Variants in UBR7 observed in about 807,000 individuals in gnomAD.
The protein encoded by UBR7 is ubiquitin protein ligase E3 component n-recognin 7, also known as putative E3 ubiquitin-protein ligase UBR7.
In UBR7, 22 loss-of-function variants were observed where a neutral mutation model predicts 57.0. The observed-to-expected ratio is 0.39, with a 90% confidence interval of 0.28 to 0.55. UBR7 has a LOEUF of 0.55. UBR7 is among the 20% of genes least tolerant of loss of function. The pLI, the probability that UBR7 is intolerant of heterozygous loss-of-function variation, is 0.69. For synonymous variants in UBR7, 167 were observed against 179.8 expected (o/e 0.93, Z 0.57); for missense variants, 395 against 513.2 (o/e 0.77, Z 2.23).
chr14:93,217,477 A>ACACC lies in UBR7; in HGVS notation c.602-1047_602-1044dup, dbSNP rs570249490. On this transcript the variant is annotated intron_variant, in intron 6 of 10. Transcript: ENST00000013070. ...TCTGTCTCAGAGTATATCTGCCACT[A>ACACC]CACCCATCATTTTTTTTATTTCTTC... Among the ~76,000 whole-genome samples, 320 of 152,162 alleles carry ACACC rather than the reference A, an allele frequency of 2.1e-3. 8 individuals carry two copies. The highest frequency in any genetic ancestry group is 0.019 in the East Asian group (98 of 5,172).
intron 10 of UBR7, chr14:93,223,845 G>A (rs937537887): frequency 1.1e-5 from 8 of 749,144 alleles, no homozygotes; most frequent in African/African-American, 3.4e-5. Flanking sequence ...GTCAGGTCCC[G>A]GTATTCCCGG....
intron 10 of UBR7, among the ~76,000 whole-genome samples, chr14:93,222,975 A>G (rs576409084): frequency 3.9e-5 from 6 of 152,308 alleles, no homozygotes; most frequent in African/African-American, 1.4e-4. Flanking sequence ...AGGAATCCGC[A>G]GTACTGATTC....
At chr14:93,219,173 A>C in intron 7 of UBR7, 39 bp from the exon 8 acceptor site, 3 of 1,605,464 alleles carry the variant, frequency 1.9e-6, no homozygotes, top group Non-Finnish European at 2.6e-6. Flanking sequence ...AAACTATGGT[A>C]GTTTAAAAAA....
chr14:93,215,254 T>A lies in UBR7; in HGVS notation c.574T>A (p.Leu192Met), dbSNP rs1016007578. The part of the protein sequence containing the change: ...CQACMKRCSF[L>M]WAYAAQLAVT... The stretch of plus-strand genomic sequence containing the variant: ...GGCCTGCATGAAACGTTGTTCTTTT[T>A]TGTGGGCTTATGCTGCACAATTGGC... The change falls in exon 6 of 11, where the codon TTG becomes ATG. Residue 192 changes from leucine (L) to methionine (M), a missense_variant. Transcript: ENST00000013070. The A allele has an allele frequency of 1.3e-6, 2 of 1,585,048 alleles. No individual in the cohort carries two copies. Among genetic ancestry groups the A allele is most frequent in the Admixed American group, 1.8e-5 (1 of 55,160 alleles).
chr14:93,212,324 A>G lies in UBR7; in HGVS notation c.441+197A>G, dbSNP rs181706846. ...CAACCATTCTTTTCATTTTTACATCATAAGAATGAAATATTGGAGAGGACT... is the reference window on the plus strand; with the variant it reads ...CAACCATTCTTTTCATTTTTACATCGTAAGAATGAAATATTGGAGAGGACT... On this transcript the variant is annotated intron_variant, in intron 4 of 10. Coordinates refer to ENST00000013070, the MANE Select transcript of UBR7 (RefSeq NM_175748.4). Among the ~76,000 whole-genome samples the G allele has an allele frequency of 8.9e-4, 135 of 152,294 alleles. No homozygotes were observed. The highest frequency in any genetic ancestry group is 3.4e-3 in the Middle Eastern group (1 of 294).
In UBR7 at chr14:93,210,067, AAATTAATT is replaced by A. The variant is rs371496259; in HGVS notation, c.284+119_284+126del. ...CATGCAAAGCAGTTGAACACTAATG[AAATTAATT>A]AATTAATTTATTTATTTATTTATTT... On this transcript the variant is annotated intron_variant, in intron 2 of 10. Transcript: ENST00000013070. 3.2e-6 allele frequency: 2 copies of A among 634,414 alleles called. 1 individual carries two copies. Among genetic ancestry groups the A allele is most frequent in the African/African-American group, 5.2e-5 (2 of 38,278 alleles). The allele number at this position is 634,414 out of a possible 1,614,324, so 39.3% of individuals were successfully genotyped here. A position where few individuals can be genotyped will look rare whatever the true frequency, so the allele number is the denominator to read the frequency against.
At chr14:93,219,050 G>A (rs546136026) in intron 7 of UBR7, among the ~76,000 whole-genome samples, 162 bp from the exon 8 acceptor site, 7 of 147,926 alleles carry the variant, frequency 4.7e-5, no homozygotes, top group South Asian at 4.2e-4. Context: ...ATGAGATTCC[G>A]TCTCAAAAAA....
At position 93,227,386 on chromosome 14, in the gene UBR7, G is replaced by A. The variant is rs1419193919; in HGVS notation, c.*351G>A. ...TTTCACTCCCAGATGTGTGTGTTTT[G>A]CCACAGAGCTGTTGCCTTCCAGAAC... On this transcript the variant is annotated 3_prime_UTR_variant, in exon 11 of 11. Coordinates refer to ENST00000013070, the MANE Select transcript of UBR7 (RefSeq NM_175748.4). 3.1e-6 allele frequency: 2 copies of A among 645,410 alleles called. No individual in the cohort carries two copies. The highest frequency in any genetic ancestry group is 2.1e-5 in the Admixed American group (1 of 48,320). 40.0% of individuals were successfully genotyped at this position (645,410 alleles called of 1,614,324 possible). A position where few individuals can be genotyped will look rare whatever the true frequency, so the allele number is the denominator to read the frequency against.
rs963473822 is a variant in UBR7 at position 93,211,624 on chromosome 14, G to C, written c.346-408G>C. Among the ~76,000 whole-genome samples the C allele has an allele frequency of 3.9e-5, 6 of 152,176 alleles. No homozygotes were observed. In the East Asian group the frequency reaches 9.6e-4, roughly 24 times the overall value. On this transcript the variant is annotated intron_variant, in intron 3 of 10. Transcript: ENST00000013070. ...TACCTGTAATCCCAACACTTTGGGA[G>C]GCCTAGGTGGGAGAATGGCTTGAAC... is the stretch of plus-strand genomic sequence containing the variant.
At chr14:93,220,218 CTTTCT>C (rs769876401) in intron 8 of UBR7, 26 bp from the exon 9 acceptor site, 13 of 1,439,714 alleles carry the variant, frequency 9.0e-6, no homozygotes, top group African/African-American at 7.6e-5. Flanking sequence ...GGAAACTCCT[CTTTCT>C]TTTTTTTTTT....
Position 93,211,819 on chromosome 14 carries a change from C to CA in UBR7, c.346-204dup, listed in dbSNP as rs199720634. 3.9e-3 allele frequency among the ~76,000 whole-genome samples: 562 copies of CA among 144,806 alleles called. 6 individuals carry two copies. Among genetic ancestry groups the CA allele is most frequent in the South Asian group, 0.016 (72 of 4,582 alleles). 95.0% of individuals were successfully genotyped at this position (144,806 alleles called of 152,430 possible). A position where few individuals can be genotyped will look rare whatever the true frequency, so the allele number is the denominator to read the frequency against. ...TGTATTTAATTTCTCCTAATTACCA[C>CA]AAAAAAAAACAAAAAAAAATTATTT... On this transcript the variant is annotated intron_variant, in intron 3 of 10. Coordinates refer to ENST00000013070, the MANE Select transcript of UBR7 (RefSeq NM_175748.4).
rs1162019972 is a variant in UBR7 at position 93,218,619 on chromosome 14, C to G, written c.694C>G (p.Gln232Glu). 1.2e-6 allele frequency: 2 copies of G among 1,613,972 alleles called. No individual in the cohort carries two copies. Among genetic ancestry groups the G allele is most frequent in the East Asian group, 4.5e-5 (2 of 44,878 alleles). ...EVIKPENGEH[Q>E]DSTLKEDVPE... is the part of the protein sequence containing the mutation. The stretch of plus-strand genomic sequence containing the variant: ...TATCAAACCTGAAAATGGAGAGCAT[C>G]AAGATAGTACCCTCAAAGAGGATGT... The change falls in exon 7 of 11, where the codon CAA becomes GAA. Residue 232 changes from glutamine (Q) to glutamate (E), a missense_variant. Transcript: ENST00000013070.
chr14:93,209,961 A>G lies in UBR7; in HGVS notation c.284+4A>G. ...TATTTGAGCTATACACAAAAAGGTA[A>G]ACATAGTCAAGAGATTGTTACTAAA... On this transcript the variant is annotated splice_donor_region_variant and intron_variant, in intron 2 of 10. Coordinates refer to ENST00000013070, the MANE Select transcript of UBR7 (RefSeq NM_175748.4). 6.2e-7 allele frequency: 1 copy of G among 1,613,894 alleles called. No homozygotes were observed. Among genetic ancestry groups the G allele is most frequent in the Non-Finnish European group, 8.5e-7 (1 of 1,179,886 alleles).
At chr14:93,217,703 C>T (rs1488760368) in intron 6 of UBR7, among the ~76,000 whole-genome samples, 2 of 152,170 alleles carry the variant, frequency 1.3e-5, no homozygotes, top group African/African-American at 4.8e-5. Context: ...GTTAGGCAGA[C>T]ATAACCTAAA....
At chr14:93,223,334 G>A (rs921724885) in intron 10 of UBR7, among the ~76,000 whole-genome samples, 4 of 143,036 alleles carry the variant, frequency 2.8e-5, no homozygotes, top group African/African-American at 1.1e-4. Context: ...GGTGGAGGTT[G>A]CAGTGAGCCA....
At chr14:93,222,607 G>C (rs956132044) in intron 10 of UBR7, among the ~76,000 whole-genome samples, 1 of 152,110 alleles carries the variant, frequency 6.6e-6, no homozygotes, top group Admixed American at 6.6e-5. Context: ...GCCAGGCGTG[G>C]TGATGGGCGC....
chr14:93,224,372 CTTTTTTTTTT>C (rs761189322), intron 10 of UBR7, among the ~76,000 whole-genome samples: 3 of 93,790 alleles, frequency 3.2e-5, no homozygotes, highest in African/African-American at 1.0e-4. Context: ...CCTTACAGTT[CTTTTTTTTTT>C]TTTTTTTTTT....
rs1434848611 is a variant in UBR7, at chr14:93,227,440, CTT to C, written c.*406_*407del. ...CTCCGCAGGCATCACGGAAGGCTCT[CTT>C]CCCGTCACCTAGAACCTCTACAGGT... On this transcript the variant is annotated 3_prime_UTR_variant, in exon 11 of 11. Coordinates refer to ENST00000013070, the MANE Select transcript of UBR7 (RefSeq NM_175748.4). The C allele has an allele frequency of 7.3e-6, 5 of 680,394 alleles. No individual in the cohort carries two copies. The East Asian group carries it at 1.4e-4, about 19-fold the overall frequency. 42.1% of individuals were successfully genotyped at this position (680,394 alleles called of 1,614,324 possible).
At position 93,212,125 on chromosome 14, in the gene UBR7, G is replaced by T; in HGVS notation, c.439G>T (p.Glu147Ter). The T allele has an allele frequency of 6.2e-7, 1 of 1,608,932 alleles. No homozygotes were observed. ...CKRPYPDPED[E>*]IPDEMIQCVV... Reference sequence around the variant, plus strand: ...GAGACCTTATCCTGATCCTGAAGACGAGGTAAGAGAATTGGAAGTTAAACC... The same window carrying T: ...GAGACCTTATCCTGATCCTGAAGACTAGGTAAGAGAATTGGAAGTTAAACC... Residue 147 changes from glutamate (E) to a stop codon, truncating the protein, a stop_gained and splice_region_variant, in exon 4 of 11, where the codon GAG (glutamate) becomes TAG (stop). Coordinates refer to ENST00000013070, the MANE Select transcript of UBR7 (RefSeq NM_175748.4). LOFTEE classifies it high-confidence loss of function.
Sources: gnomAD v4.1 joint callset for allele counts (sites outside exome capture counted in the v4.1 genomes callset) on GRCh38, gnomAD v4.1.1 for gene constraint, MANE v1.5 for transcripts, NCBI Gene and HGNC (gene_info 2026-07-23, HGNC 2026-07-21) for gene names.